ALDH3A2: variants seen among roughly 807,000 people sequenced by gnomAD.
ALDH3A2 encodes the protein aldehyde dehydrogenase family 3 member A2.
A neutral mutation model predicts 51.3 loss-of-function variants in ALDH3A2; 36 were observed. The observed-to-expected ratio is 0.70, with a 90% CI of 0.54 to 0.93. The LOEUF is 0.93. ALDH3A2 is among the 40% of genes least tolerant of loss of function. The pLI is 0.00. For missense variants in ALDH3A2, 552 were observed against 603.1 expected, an observed-to-expected ratio of 0.92 and a Z score of 0.89; for synonymous variants, 199 against 219.8, an observed-to-expected ratio of 0.91 and a Z score of 0.84.
chr17:19,671,687 G>C, intron 8 of ALDH3A2, 34 bp from the exon 9 acceptor site: 1 of 1,579,278 alleles, frequency 6.3e-7, no homozygotes, highest in Non-Finnish European at 8.7e-7. Context: ...ATCATCTACA[G>C]TGAAGCTTGT....
At chr17:19,662,416 A>G (rs1451209615) in intron 6 of ALDH3A2, among the ~76,000 whole-genome samples, 1 of 152,218 alleles carries the variant, frequency 6.6e-6, no homozygotes, top group East Asian at 1.9e-4. Context: ...AAGATAACCT[A>G]TTAGAAACTG....
chr17:19,664,339 G>C (rs2085007206), intron 7 of ALDH3A2, among the ~76,000 whole-genome samples: 1 of 152,184 alleles, frequency 6.6e-6, no homozygotes. Flanking sequence ...GGTCACCCGA[G>C]GTCACTATAG....
At chr17:19,658,408 G>C (rs2084925064) in intron 5 of ALDH3A2, among the ~76,000 whole-genome samples, 1 of 152,040 alleles carries the variant, frequency 6.6e-6, no homozygotes, top group African/African-American at 2.4e-5. Flanking sequence ...AAGACTTGAA[G>C]AAATATAGGA....
Position 19,675,778 on chromosome 17 carries a change from G to A in ALDH3A2, c.*206G>A, listed in dbSNP as rs2085179953. The A allele has an allele frequency of 3.2e-6, 2 of 626,736 alleles. No homozygotes were observed. The highest frequency in any genetic ancestry group is 1.8e-5 in the African/African-American group (1 of 54,480). The allele number at this position is 626,736 out of a possible 1,614,324, so 38.8% of individuals were successfully genotyped here. A position where few individuals can be genotyped will look rare whatever the true frequency, so the allele number is the denominator to read the frequency against. On this transcript the variant is annotated 3_prime_UTR_variant, in exon 10 of 10. Coordinates refer to ENST00000176643, the MANE Select transcript of ALDH3A2 (RefSeq NM_000382.3). ...CAACATTCCCTAATAGGGTATTCAG[G>A]GAACCTGTCTTAAATTGTGCTTATC...
chr17:19,652,436 AGCT>A, intron 2 of ALDH3A2, 108 bp from the exon 3 acceptor site: 1 of 787,972 alleles, frequency 1.3e-6, no homozygotes. Flanking sequence ...CAGCATTGAG[AGCT>A]GCAGAAATAA....
intron 9 of ALDH3A2, chr17:19,673,028 G>A (rs1437504960): frequency 9.2e-6 from 12 of 1,302,742 alleles, no homozygotes; most frequent in Non-Finnish European, 1.1e-5. Flanking sequence ...GCAATAGAGC[G>A]AGACTCCATC....
chr17:19,669,162 G>T (rs896624058), intron 8 of ALDH3A2, among the ~76,000 whole-genome samples: 1 of 151,864 alleles, frequency 6.6e-6, no homozygotes, highest in Non-Finnish European at 1.5e-5. Flanking sequence ...AATTAGCTGG[G>T]CATTGTGGCA....
At chr17:19,670,531 T>G (rs2085097879) in intron 8 of ALDH3A2, among the ~76,000 whole-genome samples, 1 of 151,536 alleles carries the variant, frequency 6.6e-6, no homozygotes, top group Admixed American at 6.6e-5. Context: ...CTTACTACCT[T>G]GGTTATGTCT....
intron 8 of ALDH3A2, among the ~76,000 whole-genome samples, chr17:19,669,629 T>C (rs1019598007): frequency 6.6e-6 from 1 of 152,060 alleles, no homozygotes; most frequent in Middle Eastern, 3.2e-3. Flanking sequence ...ATCCACGCCT[T>C]TTCTTTTCTT....
At chr17:19,668,314 C>T (rs1258140099) in intron 8 of ALDH3A2, among the ~76,000 whole-genome samples, 1 of 152,116 alleles carries the variant, frequency 6.6e-6, no homozygotes, top group Non-Finnish European at 1.5e-5. Flanking sequence ...ATGGCGCGAC[C>T]TCGGTTCATT....
At chr17:19,675,352 G>GT (rs2085173343) in intron 9 of ALDH3A2, 2 of 612,852 alleles carry the variant, frequency 3.3e-6, no homozygotes, top group Non-Finnish European at 5.8e-6. Flanking sequence ...TGTTATTGTT[G>GT]TTTTTTGAGG....
At chr17:19,655,208 A>G (rs2084878992) in intron 3 of ALDH3A2, 2 of 152,204 alleles carry the variant, frequency 1.3e-5, no homozygotes, top group South Asian at 4.1e-4. Context: ...TCTTACCTGT[A>G]TTCTGTACAT....
intron 5 of ALDH3A2, among the ~76,000 whole-genome samples, chr17:19,659,194 G>C (rs941956119): frequency 4.6e-4 from 70 of 152,054 alleles, no homozygotes; most frequent in African/African-American, 1.7e-3. Flanking sequence ...TCATGCTACT[G>C]CACTCCAGCC....
intron 8 of ALDH3A2, among the ~76,000 whole-genome samples, chr17:19,669,497 A>G (rs1354736054): frequency 6.6e-6 from 1 of 152,030 alleles, no homozygotes; most frequent in Non-Finnish European, 1.5e-5. Flanking sequence ...CATTGGTTGC[A>G]TTATCTTTCT....
Position 19,654,531 on chromosome 17 carries a change from G to A in ALDH3A2, c.472-1835G>A, listed in dbSNP as rs551646972. 3.9e-5 allele frequency among the ~76,000 whole-genome samples: 6 copies of A among 152,142 alleles called. No individual in the cohort carries two copies. Among genetic ancestry groups the A allele is most frequent in the Admixed American group, 6.5e-5 (1 of 15,284 alleles). ...GTGGGCTGGCATTGCTGGGGGACCC[G>A]GGGCACCCTCCTCAGCAGCTGGCCC... On this transcript the variant is annotated intron_variant, in intron 3 of 9. Coordinates refer to ENST00000176643, the MANE Select transcript of ALDH3A2 (RefSeq NM_000382.3). This position sits in a 1 kb window ranked among gnomAD's most constrained non-coding sequence, Gnocchi z 4.5.
chr17:19,652,843 T>C, intron 3 of ALDH3A2: 1 of 573,854 alleles, frequency 1.7e-6, no homozygotes, highest in Non-Finnish European at 3.1e-6. Flanking sequence ...ACACAATATA[T>C]GTAGGCCCAT....
At chr17:19,648,724 A>G, upstream of ALDH3A2, 1 of 572,304 alleles carries the variant, frequency 1.7e-6, no homozygotes. Context: ...GCCCAGGCCA[A>G]TAGGGGTGAG....
intron 3 of ALDH3A2, among the ~76,000 whole-genome samples, chr17:19,653,188 A>C (rs2084841347): frequency 2.6e-5 from 4 of 151,458 alleles, no homozygotes; most frequent in African/African-American, 9.7e-5. Context: ...GGGATTACAG[A>C]CGTGTGCCAC....
chr17:19,656,674 CA>C (rs2084902559), intron 4 of ALDH3A2, 100 bp downstream of exon 4: 2 of 1,161,280 alleles, frequency 1.7e-6, no homozygotes, highest in East Asian at 2.6e-5. Context: ...CTTATGGCTC[CA>C]AGATACATTA....
Sources: allele counts gnomAD v4.1 joint callset (sites outside exome capture counted in the v4.1 genomes callset), GRCh38; gene constraint gnomAD v4.1.1; non-coding constraint Gnocchi (gnomAD v3.1); transcripts MANE v1.5; gene names NCBI Gene and HGNC (gene_info 2026-07-23, HGNC 2026-07-21).